PDE1C: variants seen among roughly 807,000 people sequenced by gnomAD.
PDE1C encodes dual specificity calcium/calmodulin-dependent 3',5'-cyclic nucleotide phosphodiesterase 1C.
PDE1C carries 62 observed loss-of-function variants against 93.1 expected under a neutral mutation model. The ratio of observed to expected loss-of-function variants is 0.67; its 90% confidence interval spans 0.54 to 0.82. The LOEUF is 0.82. Ranked by LOEUF, PDE1C falls within the 40% of genes least tolerant of loss-of-function variation. PDE1C has a pLI of 0.00. For missense variants in PDE1C, 742 were observed against 884.6 expected (o/e 0.84, Z 2.04); for synonymous variants, 325 against 310.1 (o/e 1.05, Z -0.50).
chr7:31,619,575 T>C, the PDE1C span, among the ~76,000 whole-genome samples: 3 of 151,976 alleles, frequency 2.0e-5, no homozygotes, highest in Non-Finnish European at 4.4e-5. Context: ...AAATCAATGG[T>C]CAAGTAAGTT....
At chr7:31,695,480 G>A in the PDE1C span, 17 of 1,604,234 alleles carry the variant, frequency 1.1e-5, no homozygotes, top group Non-Finnish European at 1.3e-5. Flanking sequence ...TGATCTTTCA[G>A]ACCAGTTCAT....
At chr7:32,055,488 C>T (rs1257537805) in intron 1 of PDE1C, among the ~76,000 whole-genome samples, 4 of 152,024 alleles carry the variant, frequency 2.6e-5, no homozygotes, top group African/African-American at 9.7e-5. Context: ...AATTCTGAAG[C>T]CTTCAAAGAA....
At chr7:31,957,782 G>A (rs1166649000) in intron 2 of PDE1C, among the ~76,000 whole-genome samples, 3 of 152,180 alleles carry the variant, frequency 2.0e-5, no homozygotes, top group South Asian at 2.1e-4. Context: ...GAATGGGGTC[G>A]GGAGGGTGTT....
At chr7:32,256,157 A>C (rs17161087) in intron 1 of PDE1C, among the ~76,000 whole-genome samples, 24,762 of 152,208 alleles carry the variant, frequency 0.16, 2,197 homozygotes, top group East Asian at 0.3. Flanking sequence ...ACTTCACCTA[A>C]GGCAAGCTTC....
chr7:31,952,215 T>A (rs1298636712), intron 2 of PDE1C, among the ~76,000 whole-genome samples: 3 of 152,078 alleles, frequency 2.0e-5, no homozygotes. Flanking sequence ...TCCCTACCCT[T>A]CTTAAGGTAG....
intron 2 of PDE1C, among the ~76,000 whole-genome samples, chr7:32,038,948 T>C (rs1041476851): frequency 2.0e-5 from 3 of 152,234 alleles, no homozygotes; most frequent in African/African-American, 7.2e-5. Context: ...TGTTTCTCAA[T>C]AGAATGAATC....
intron 2 of PDE1C, among the ~76,000 whole-genome samples, chr7:31,892,364 A>G (rs1798749408): frequency 2.0e-5 from 3 of 152,198 alleles, no homozygotes; most frequent in African/African-American, 4.8e-5. Context: ...CTCAGGATCA[A>G]CTGAAGAAAC....
At chr7:31,890,453 C>T (rs1798479595) in intron 2 of PDE1C, among the ~76,000 whole-genome samples, 2 of 152,186 alleles carry the variant, frequency 1.3e-5, no homozygotes, top group African/African-American at 4.8e-5. Context: ...GGTTGCAACC[C>T]ATGCCTAGAC....
At chr7:31,840,009 C>A (rs1386003365) in intron 9 of PDE1C, among the ~76,000 whole-genome samples, 4 of 152,148 alleles carry the variant, frequency 2.6e-5, no homozygotes, top group Non-Finnish European at 4.4e-5. Flanking sequence ...TGCACTCTAG[C>A]CTGGGTGACA....
At chr7:31,964,075 G>A (rs542188477) in intron 2 of PDE1C, among the ~76,000 whole-genome samples, 18 of 152,346 alleles carry the variant, frequency 1.2e-4, no homozygotes, top group Admixed American at 2.0e-4. Context: ...CTGAGGTAGC[G>A]GGTTCATCTC....
chr7:31,631,468 T>G, the PDE1C span, among the ~76,000 whole-genome samples: 1 of 152,232 alleles, frequency 6.6e-6, no homozygotes, highest in Non-Finnish European at 1.5e-5. Flanking sequence ...CGTGGTTAGG[T>G]TATAATGATC....
intron 2 of PDE1C, among the ~76,000 whole-genome samples, chr7:32,194,600 TA>T (rs1253189894): frequency 6.6e-6 from 1 of 152,212 alleles, no homozygotes; most frequent in Non-Finnish European, 1.5e-5. Context: ...TATCTGATGT[TA>T]ATATAGCCAC....
At chr7:31,740,156 C>G in the PDE1C span, among the ~76,000 whole-genome samples, 5 of 151,810 alleles carry the variant, frequency 3.3e-5, no homozygotes, top group East Asian at 1.9e-4. Flanking sequence ...CATTTCCACT[C>G]TCTTTGAGCT....
intron 1 of PDE1C, among the ~76,000 whole-genome samples, chr7:32,343,038 A>G (rs780461233): frequency 2.6e-5 from 4 of 152,220 alleles, no homozygotes; most frequent in Non-Finnish European, 5.9e-5. Flanking sequence ...GCTCCTGTGA[A>G]ATAGTTACTC....
chr7:32,298,462 G>C (rs948925550), intron 1 of PDE1C, among the ~76,000 whole-genome samples: 2 of 152,102 alleles, frequency 1.3e-5, no homozygotes, highest in African/African-American at 2.4e-5. Flanking sequence ...GGGGTGCCGG[G>C]GGGGACAGCC....
At chr7:32,220,806 A>G (rs1247271808) in intron 1 of PDE1C, among the ~76,000 whole-genome samples, 1 of 152,192 alleles carries the variant, frequency 6.6e-6, no homozygotes, top group African/African-American at 2.4e-5. Flanking sequence ...CGACAGAGCG[A>G]GACTCCATCT....
At chr7:31,988,646 C>T (rs1783723840) in intron 2 of PDE1C, among the ~76,000 whole-genome samples, 1 of 152,042 alleles carries the variant, frequency 6.6e-6, no homozygotes. Flanking sequence ...AGGCTTGAGC[C>T]CAGGAGTTCC....
At chr7:31,876,672 T>C (rs769466408) in intron 5 of PDE1C, among the ~76,000 whole-genome samples, 4 of 152,178 alleles carry the variant, frequency 2.6e-5, no homozygotes, top group Non-Finnish European at 4.4e-5. Context: ...AAATATCAGA[T>C]TTCCTGAAGT....
intron 6 of PDE1C, 92 bp from the exon 7 acceptor site, chr7:31,865,174 G>A: frequency 7.8e-7 from 1 of 1,280,090 alleles, no homozygotes; most frequent in Non-Finnish European, 1.1e-6. Flanking sequence ...CTTTTTCTCT[G>A]AAGGCATAAC....
Sources: allele counts gnomAD v4.1 joint callset (sites outside exome capture counted in the v4.1 genomes callset), GRCh38; gene constraint gnomAD v4.1.1; transcripts MANE v1.5; gene names NCBI Gene and HGNC (gene_info 2026-07-23, HGNC 2026-07-21).